The following NADSYN1 variants were observed in gnomAD, a reference collection of about 807,000 sequenced individuals.
The protein encoded by NADSYN1 is NAD synthetase 1, also known as glutamine-dependent NAD(+) synthetase.
NADSYN1 carries 80 observed loss-of-function variants against 99.3 expected under a neutral mutation model. The observed-to-expected ratio is 0.81, with a 90% CI of 0.67 to 0.97. The LOEUF (loss-of-function observed/expected upper bound fraction) is 0.97. Ranked by LOEUF, NADSYN1 falls within the 50% of genes least tolerant of loss-of-function variation. The pLI, the probability that NADSYN1 is intolerant of heterozygous loss-of-function variation, is 0.00. For missense variants in NADSYN1, 859 were observed against 948.5 expected (o/e 0.91, Z 1.24); for synonymous variants, 385 against 372.1 (o/e 1.03, Z -0.40).
chr11:71,476,169 C>G (rs760553302), intron 9 of NADSYN1: 1 of 453,630 alleles, frequency 2.2e-6, no homozygotes, highest in Non-Finnish European at 4.4e-6. Context: ...TCAGACCACA[C>G]GCGGGTCCAC....
At chr11:71,481,150 G>T in intron 11 of NADSYN1, 1 of 658,110 alleles carries the variant, frequency 1.5e-6, no homozygotes, top group Non-Finnish European at 2.6e-6. Context: ...ATTTTAAAAT[G>T]AGGACGATGA....
chr11:71,500,741 G>T (rs1949851645), intron 20 of NADSYN1, among the ~76,000 whole-genome samples: 1 of 152,180 alleles, frequency 6.6e-6, no homozygotes, highest in Non-Finnish European at 1.5e-5. Flanking sequence ...TGGGACTCAG[G>T]CCAGGTGGCT....
chr11:71,480,770 C>T lies in NADSYN1; in HGVS notation c.889C>T (p.Pro297Ser), dbSNP rs1949700815. The change falls in exon 11 of 21, where the codon CCC (proline) becomes TCC (serine). Residue 297 changes from proline to serine, a missense_variant. Pro to Ser is a moderately conservative substitution (Grantham distance 74). Transcript: ENST00000319023. ...CCATTGCCAGGCCAGCAGGGCGAGCCCCTACCCCAGAGTGAAGGTGGACTT... is the reference window on the plus strand; with the variant it reads ...CCATTGCCAGGCCAGCAGGGCGAGCTCCTACCCCAGAGTGAAGGTGGACTT... ...SRNLAASRASPYPRVKVDFAL... is the reference protein window; with the variant it reads ...SRNLAASRASSYPRVKVDFAL... 8 of 1,614,158 alleles carry T rather than the reference C, an allele frequency of 5.0e-6. No homozygotes were observed. The East Asian group carries it at 8.9e-5, about 18-fold the overall frequency.
At position 71,482,994 on chromosome 11, in the gene NADSYN1, A is replaced by G. The variant is rs753063011; in HGVS notation, c.1296A>G (p.Arg432=). ...CCCAGGAGACGTGCACCCGGGCCAGAGAGTTGGCCCAGCAGATTGGAAGGT... is the reference window on the plus strand; with the variant it reads ...CCCAGGAGACGTGCACCCGGGCCAGGGAGTTGGCCCAGCAGATTGGAAGGT... ...NSSQETCTRA[R]ELAQQIGSHH... Residue 432 remains arginine, a synonymous_variant, in exon 14 of 21, where the codon AGA becomes AGG. Coordinates refer to ENST00000319023, the MANE Select transcript of NADSYN1 (RefSeq NM_018161.5). 4 of 1,612,142 alleles carry G rather than the reference A, an allele frequency of 2.5e-6. No individual in the cohort carries two copies. Among genetic ancestry groups the G allele is most frequent in the Non-Finnish European group, 3.4e-6 (4 of 1,179,520 alleles).
chr11:71,479,283 A>C (rs960864613), intron 10 of NADSYN1: 1 of 150,250 alleles, frequency 6.7e-6, no homozygotes, highest in Non-Finnish European at 1.5e-5. Context: ...TTTTTTAGAG[A>C]CAGAGTCTCA....
intron 5 of NADSYN1, among the ~76,000 whole-genome samples, chr11:71,470,221 A>G (rs1949618241): frequency 6.6e-6 from 1 of 152,190 alleles, no homozygotes; most frequent in Non-Finnish European, 1.5e-5. Context: ...ATTATCTCCC[A>G]CCGGGTCCCT....
At chr11:71,458,227 G>A (rs750254862) in intron 2 of NADSYN1, among the ~76,000 whole-genome samples, 2 of 152,202 alleles carry the variant, frequency 1.3e-5, no homozygotes, top group Non-Finnish European at 2.9e-5. Context: ...AGCAGGGGCC[G>A]TGCTCTTCGC....
intron 20 of NADSYN1, among the ~76,000 whole-genome samples, chr11:71,500,339 C>T (rs1454064812): frequency 2.6e-5 from 4 of 151,924 alleles, no homozygotes; most frequent in African/African-American, 4.8e-5. Flanking sequence ...GCCTGTAAAA[C>T]GAGGGTGGAT....
At chr11:71,489,443 C>T (rs753475412) in intron 16 of NADSYN1, among the ~76,000 whole-genome samples, 9 of 152,018 alleles carry the variant, frequency 5.9e-5, no homozygotes, top group South Asian at 2.1e-4. Flanking sequence ...CCCCACGGGT[C>T]GCAGGTTGAG....
intron 2 of NADSYN1, among the ~76,000 whole-genome samples, chr11:71,455,992 A>T (rs1949511669): frequency 6.6e-6 from 1 of 152,256 alleles, no homozygotes; most frequent in Non-Finnish European, 1.5e-5. Context: ...CTTGTAAGCG[A>T]TAGTCCTTTC....
intron 9 of NADSYN1, 185 bp downstream of exon 9, chr11:71,474,711 G>A (rs1159007392): frequency 2.9e-5 from 19 of 655,402 alleles, no homozygotes; most frequent in South Asian, 7.0e-5. Flanking sequence ...AGAAGCCCCC[G>A]GGGGTCCCGC....
intron 20 of NADSYN1, 99 bp downstream of exon 20, chr11:71,498,627 A>T (rs1468131577): frequency 7.3e-7 from 1 of 1,372,616 alleles, no homozygotes; most frequent in Non-Finnish European, 1.0e-6. Context: ...TTATATACAC[A>T]GTAACTTTTT....
intron 20 of NADSYN1, among the ~76,000 whole-genome samples, chr11:71,500,577 G>A (rs1429186274): frequency 3.2e-5 from 1 of 30,892 alleles, no homozygotes; most frequent in East Asian, 6.7e-4. Flanking sequence ...TGCCAAGGTT[G>A]AGGAATGCTG....
chr11:71,474,300 A>G, intron 8 of NADSYN1, 95 bp from the exon 9 acceptor site: 1 of 1,520,060 alleles, frequency 6.6e-7, no homozygotes, highest in Non-Finnish European at 9.0e-7. Flanking sequence ...AGGATGACCT[A>G]GCGGGACTCG....
Position 71,468,301 on chromosome 11 carries a change from C to T in NADSYN1, c.408-4148C>T, listed in dbSNP as rs188016780. Among the ~76,000 whole-genome samples, 39 of 152,292 alleles carry T rather than the reference C, an allele frequency of 2.6e-4. No individual in the cohort carries two copies. The South Asian group carries it at 3.1e-3, about 12-fold the overall frequency. ...AAGGATATTGATAAATTTGTGGATA[C>T]GTGTCAACAAATGGGACTGTATGAA... On this transcript the variant is annotated intron_variant, in intron 5 of 20. Transcript: ENST00000319023.
intron 20 of NADSYN1, among the ~76,000 whole-genome samples, 199 bp from the exon 21 acceptor site, chr11:71,501,103 A>T (rs1949854419): frequency 6.6e-6 from 1 of 152,240 alleles, no homozygotes; most frequent in Non-Finnish European, 1.5e-5. Flanking sequence ...CGCTGCTGTC[A>T]TCTGCAGTGA....
chr11:71,487,416 T>C (rs1949749546), intron 16 of NADSYN1, among the ~76,000 whole-genome samples: 1 of 152,130 alleles, frequency 6.6e-6, no homozygotes, highest in South Asian at 2.1e-4. Flanking sequence ...TTGTAAGAGT[T>C]CCCCCTCACA....
chr11:71,477,009 C>T (rs565889881), intron 9 of NADSYN1: 217 of 1,059,134 alleles, frequency 2.0e-4, no homozygotes, highest in Admixed American at 3.1e-4. Flanking sequence ...TCCTCAGGCT[C>T]GGGCCACTGC....
At chr11:71,480,390 T>A (rs927511405) in intron 10 of NADSYN1, 2 of 246,236 alleles carry the variant, frequency 8.1e-6, no homozygotes, top group African/African-American at 4.5e-5. Context: ...GTCTGGCTGG[T>A]CTCGAACTCC....
Sources: gnomAD v4.1 joint callset for allele counts (sites outside exome capture counted in the v4.1 genomes callset) on GRCh38, gnomAD v4.1.1 for gene constraint, MANE v1.5 for transcripts, NCBI Gene and HGNC (gene_info 2026-07-23, HGNC 2026-07-21) for gene names.